The following EML2 variants were observed in gnomAD, a reference collection of about 807,000 sequenced individuals.
EML2 encodes the protein EMAP like 2.
EML2 carries 59 observed loss-of-function variants against 84.7 expected under a neutral mutation model. The ratio of observed to expected loss-of-function variants is 0.70; its 90% confidence interval spans 0.56 to 0.86. The LOEUF (loss-of-function observed/expected upper bound fraction) is 0.86. Ranked by LOEUF, EML2 falls within the 40% of genes least tolerant of loss-of-function variation. The pLI is 0.00. For missense variants in EML2, 818 were observed against 855.6 expected, an observed-to-expected ratio of 0.96 and a Z score of 0.55; for synonymous variants, 352 against 348.9, an observed-to-expected ratio of 1.01 and a Z score of -0.10.
At chr19:45,615,452 A>C (rs958223689) in intron 16 of EML2, among the ~76,000 whole-genome samples, 3 of 151,286 alleles carry the variant, frequency 2.0e-5, no homozygotes, top group Non-Finnish European at 2.9e-5. Flanking sequence ...TGGGAGGCGG[A>C]GCTTGCAGTG....
chr19:45,625,489 G>A (rs549945720), intron 8 of EML2, among the ~76,000 whole-genome samples: 50 of 152,120 alleles, frequency 3.3e-4, no homozygotes, highest in African/African-American at 1.1e-3. Context: ...TGATCCACCC[G>A]CCTCGGCCTC....
intron 6 of EML2, among the ~76,000 whole-genome samples, chr19:45,630,551 CAAAA>C (rs764565313): frequency 9.4e-6 from 1 of 106,194 alleles, no homozygotes; most frequent in South Asian, 3.3e-4. Context: ...GACTCTGTCT[CAAAA>C]AAAAAAAAAA....
chr19:45,629,918 C>T (rs769477488), intron 7 of EML2, 33 bp downstream of exon 7: 5 of 1,551,116 alleles, frequency 3.2e-6, no homozygotes, highest in Non-Finnish European at 3.6e-6. Flanking sequence ...CACAGTGGCA[C>T]CCAGCAGGAG....
intron 18 of EML2, 115 bp downstream of exon 18, chr19:45,613,426 A>G: frequency 9.9e-6 from 13 of 1,312,592 alleles, no homozygotes; most frequent in Non-Finnish European, 1.3e-5. Flanking sequence ...TCCTCCTTGT[A>G]CAGATGGGGA....
In EML2 at chr19:45,626,748, G is replaced by T; in HGVS notation, c.698C>A (p.Thr233Asn). ...TCGKSHIYFW[T>N]LEGGSLSKRQ... Reference sequence around the variant, plus strand: ...CTTGCTCAAGCTGCCCCCCTCCAAGGTCCAGAAGTAGATGTGAGATTTCCC... The same window carrying T: ...CTTGCTCAAGCTGCCCCCCTCCAAGTTCCAGAAGTAGATGTGAGATTTCCC... The change falls in exon 8 of 19, where the codon ACC becomes AAC. Residue 233 changes from threonine (T) to asparagine (N), a missense_variant. By Grantham distance (65) the Thr-to-Asn change is moderately conservative (BLOSUM62 0). Coordinates refer to ENST00000245925, the MANE Select transcript of EML2 (RefSeq NM_012155.4). 6.2e-7 allele frequency: 1 copy of T among 1,613,784 alleles called. No homozygotes were observed. The highest frequency in any genetic ancestry group is 2.2e-5 in the East Asian group (1 of 44,864).
upstream of EML2, chr19:45,643,522 G>T (rs890660498): frequency 8.3e-5 from 127 of 1,530,488 alleles, no homozygotes; most frequent in Non-Finnish European, 1.0e-4. Flanking sequence ...TTCCCAAAGT[G>T]GGAGGGGCGG....
Position 45,617,385 on chromosome 19 carries a change from G to A in EML2, c.1322+245C>T, listed in dbSNP as rs892379308. Reference sequence around the variant, plus strand: ...AGCCTGGCCAACATGGTGAAACCCCGTCTCTACTAAAAATAAAAAAAAATT... The same window carrying A: ...AGCCTGGCCAACATGGTGAAACCCCATCTCTACTAAAAATAAAAAAAAATT... On this transcript the variant is annotated intron_variant, in intron 13 of 18. Transcript: ENST00000245925. Among the ~76,000 whole-genome samples, 8 of 150,680 alleles carry A rather than the reference G, an allele frequency of 5.3e-5. No individual in the cohort carries two copies. The South Asian group carries it at 1.3e-3, about 24-fold the overall frequency.
At position 45,630,026 on chromosome 19, in the gene EML2, A is replaced by G; in HGVS notation, c.531T>C (p.Cys177=). The change falls in exon 7 of 19, where the codon TGT becomes TGC. Residue 177 remains cysteine, a synonymous_variant. Coordinates refer to ENST00000245925, the MANE Select transcript of EML2 (RefSeq NM_012155.4). ...TGTGATCATTGGATTCATCCACTGC[A>G]CACAGCAGGTTGCCTCCATTCTAAA... The part of the protein sequence containing the change: ...FSKSNGGNLL[C]AVDESNDHML... 6.2e-7 allele frequency: 1 copy of G among 1,612,890 alleles called. No individual in the cohort carries two copies. Among genetic ancestry groups the G allele is most frequent in the South Asian group, 1.1e-5 (1 of 91,036 alleles).
At chr19:45,616,251 T>C in intron 15 of EML2, 1 of 420,248 alleles carries the variant, frequency 2.4e-6, no homozygotes, top group Non-Finnish European at 4.1e-6. Context: ...GCTACACAGA[T>C]GGGCTTAGCA....
At chr19:45,632,697 C>A (rs957502989) in intron 6 of EML2, 164 bp downstream of exon 6, 14 of 621,044 alleles carry the variant, frequency 2.3e-5, no homozygotes, top group Non-Finnish European at 8.4e-6. Flanking sequence ...GGTGACTCAC[C>A]CGCCCCTTGG....
chr19:45,624,655 G>T, intron 9 of EML2, 64 bp downstream of exon 9: 1 of 1,230,972 alleles, frequency 8.1e-7, no homozygotes, highest in South Asian at 1.3e-5. Context: ...TCCACGAAGG[G>T]AGGCAGAGCC....
chr19:45,637,014 G>A (rs907975263), intron 3 of EML2, among the ~76,000 whole-genome samples: 3 of 152,272 alleles, frequency 2.0e-5, no homozygotes, highest in Admixed American at 6.5e-5. Context: ...TCACTGCAAA[G>A]GGGAGCAATC....
At position 45,632,968 on chromosome 19, in the gene EML2, G is replaced by T. The variant is rs772521330; in HGVS notation, c.403C>A (p.Leu135Met). 4 of 1,613,832 alleles carry T rather than the reference G, an allele frequency of 2.5e-6. No individual in the cohort carries two copies. The Admixed American group carries it at 6.7e-5, about 27-fold the overall frequency. The change falls in exon 6 of 19, where the codon CTG (leucine) becomes ATG (methionine). Residue 135 changes from leucine (L) to methionine (M), a missense_variant. Physicochemically the swap from Leu to Met is conservative, Grantham distance 15. Transcript: ENST00000245925. ...TCCCAGATGCGCACGTGGGGCGGCA[G>T]CGGCTGCAGGGAAGAGAGGCTTGTT... Reference protein sequence around the residue: ...VAGTTKEGKPLPPHVRIWDSV... With the variant: ...VAGTTKEGKPMPPHVRIWDSV...
At chr19:45,642,700 C>T (rs933357834), upstream of EML2, 6 of 247,928 alleles carry the variant, frequency 2.4e-5, no homozygotes, top group Admixed American at 1.2e-4. Flanking sequence ...CAGTGGCTCA[C>T]GCCTGTAACC....
chr19:45,635,575 T>A (rs984846618), intron 3 of EML2, among the ~76,000 whole-genome samples: 7 of 147,512 alleles, frequency 4.7e-5, no homozygotes, highest in Admixed American at 6.8e-5. Context: ...AAAATGAATG[T>A]CTGTTTCCTT....
intron 17 of EML2, among the ~76,000 whole-genome samples, chr19:45,614,060 T>C (rs1356363851): frequency 6.6e-6 from 1 of 152,210 alleles, no homozygotes; most frequent in Non-Finnish European, 1.5e-5. Flanking sequence ...AAGAGACTGC[T>C]TTCCTTCTTC....
chr19:45,615,917 G>A, intron 15 of EML2, 28 bp from the exon 16 acceptor site: 1 of 1,570,700 alleles, frequency 6.4e-7, no homozygotes, highest in East Asian at 2.2e-5. Context: ...GATGGTGTTA[G>A]AGCTGCAGAG....
At chr19:45,625,953 A>T (rs1318641400) in intron 8 of EML2, among the ~76,000 whole-genome samples, 1 of 151,738 alleles carries the variant, frequency 6.6e-6, no homozygotes. Flanking sequence ...ATCATGGCTC[A>T]TTGCAGTCAA....
At chr19:45,645,245 C>CAAGGTCGGAACTG (rs1468614334), upstream of EML2, 1 of 1,530,056 alleles carries the variant, frequency 6.5e-7, no homozygotes, top group African/African-American at 1.4e-5. Flanking sequence ...TGGGCGGGGC[C>CAAGGTCGGAACTG]AAGGTCGGAA....
Sources: gnomAD v4.1 joint callset for allele counts (sites outside exome capture counted in the v4.1 genomes callset) on GRCh38, gnomAD v4.1.1 for gene constraint, MANE v1.5 for transcripts, NCBI Gene and HGNC (gene_info 2026-07-23, HGNC 2026-07-21) for gene names.